The following SGCZ variants were observed in gnomAD, a reference collection of about 807,000 sequenced individuals.
The protein encoded by SGCZ is zeta-sarcoglycan.
SGCZ carries 40 observed loss-of-function variants against 41.3 expected under a neutral mutation model. That is an observed-to-expected ratio of 0.97 (90% CI 0.75 to 1.26). The LOEUF is 1.26. Among genes scored for constraint, SGCZ ranks in the 50% most tolerant of loss-of-function variants. The pLI is 0.00. For synonymous variants in SGCZ, 206 were observed against 137.5 expected (o/e 1.50, Z -3.49); for missense variants, 552 against 369.8 (o/e 1.49, Z -4.04).
chr8:14,499,033 T>C (rs1435209976), intron 2 of SGCZ, among the ~76,000 whole-genome samples: 1 of 152,046 alleles, frequency 6.6e-6, no homozygotes, highest in Non-Finnish European at 1.5e-5. Flanking sequence ...CCTACTATGG[T>C]TCCCACTGGT....
intron 1 of SGCZ, among the ~76,000 whole-genome samples, chr8:14,569,375 T>C (rs1563121695): frequency 6.6e-6 from 1 of 152,228 alleles, no homozygotes; most frequent in South Asian, 2.1e-4. Flanking sequence ...GTTTCAGGAT[T>C]TCTGTTATAC....
rs1001643214 is a variant in SGCZ at position 14,687,657 on chromosome 8, A to C, written c.40-132731T>G. ...GTGAATAGTGCTGCAATAAACATAC[A>C]TGTGCATGTGTCTTTATAGCAGCAT... On this transcript the variant is annotated intron_variant, in intron 1 of 7. Transcript: ENST00000382080. Among the ~76,000 whole-genome samples the C allele has an allele frequency of 4.0e-5, 6 of 151,604 alleles. 1 individual carries two copies. Among genetic ancestry groups the C allele is most frequent in the Non-Finnish European group, 8.8e-5 (6 of 67,914 alleles).
At chr8:14,982,508 C>T (rs991076981) in intron 1 of SGCZ, among the ~76,000 whole-genome samples, 1 of 152,164 alleles carries the variant, frequency 6.6e-6, no homozygotes, top group African/African-American at 2.4e-5. Flanking sequence ...ACAGTGTAAA[C>T]AGCTTTGACT....
At position 15,088,835 on chromosome 8, in the gene SGCZ, A is replaced by G. The variant is rs528176453; in HGVS notation, c.39+148750T>C. Among the ~76,000 whole-genome samples, 6 of 152,266 alleles carry G rather than the reference A, an allele frequency of 3.9e-5. No individual in the cohort carries two copies. In the South Asian group the frequency reaches 1.2e-3, roughly 32 times the overall value. The stretch of plus-strand genomic sequence containing the variant: ...AATCAGATAAATAGGCCCAACTCAC[A>G]TGGCCTTTGCACCACAATTGCAAAC... On this transcript the variant is annotated intron_variant, in intron 1 of 7. Coordinates refer to ENST00000382080, the MANE Select transcript of SGCZ (RefSeq NM_139167.4).
rs1403289959 is a variant in SGCZ at position 14,102,468 on chromosome 8, C to T, written c.652G>A (p.Glu218Lys). 1.3e-6 allele frequency: 2 copies of T among 1,492,344 alleles called. No homozygotes were observed. The highest frequency in any genetic ancestry group is 1.8e-6 in the Non-Finnish European group (2 of 1,105,184). The allele number at this position is 1,492,344 out of a possible 1,614,324, so 92.4% of individuals were successfully genotyped here. A position where few individuals can be genotyped will look rare whatever the true frequency, so the allele number is the denominator to read the frequency against. Reference protein sequence around the residue: ...LESPTRSLIMEAPRGVQVSAA... With the variant: ...LESPTRSLIMKAPRGVQVSAA... ...CTCACCTGGACCCCACGGGGAGCTT[C>T]CATGATCAAGGATCTGGTGGGTGAT... The change falls in exon 7 of 8, where the codon GAA becomes AAA. Residue 218 changes from glutamate to lysine, a missense_variant. Glu to Lys is a moderately conservative substitution (Grantham distance 56, BLOSUM62 1). Coordinates refer to ENST00000382080, the MANE Select transcript of SGCZ (RefSeq NM_139167.4).
At chr8:14,528,836 AACAAAACAAAAAC>A (rs1368789898) in intron 2 of SGCZ, among the ~76,000 whole-genome samples, 1 of 21,900 alleles carries the variant, frequency 4.6e-5, no homozygotes, top group African/African-American at 1.7e-4. Context: ...CCAAAAAAAA[AACAAAACAAAAAC>A]AAAAAAAGAG....
At chr8:14,675,778 C>G (rs942180005) in intron 1 of SGCZ, among the ~76,000 whole-genome samples, 27 of 152,102 alleles carry the variant, frequency 1.8e-4, no homozygotes, top group African/African-American at 6.5e-4. Context: ...ACAAATAACA[C>G]TGATATCAAA....
intron 1 of SGCZ, among the ~76,000 whole-genome samples, chr8:15,112,982 G>A (rs1417309894): frequency 6.6e-6 from 1 of 152,130 alleles, no homozygotes; most frequent in Non-Finnish European, 1.5e-5. Flanking sequence ...GCCAAGGCAG[G>A]TGGATCGCTT....
At chr8:14,121,798 AT>A (rs1425845892) in intron 5 of SGCZ, among the ~76,000 whole-genome samples, 1 of 152,192 alleles carries the variant, frequency 6.6e-6, no homozygotes, top group Non-Finnish European at 1.5e-5. Flanking sequence ...AACTCATTTA[AT>A]TTTTTTGAAA....
At chr8:14,464,223 C>T (rs899947724) in intron 2 of SGCZ, among the ~76,000 whole-genome samples, 6 of 151,408 alleles carry the variant, frequency 4.0e-5, no homozygotes, top group African/African-American at 1.5e-4. Context: ...GGGTAGAATC[C>T]ACTGGTGAAG....
intron 1 of SGCZ, among the ~76,000 whole-genome samples, chr8:14,675,186 C>A (rs1808234410): frequency 6.6e-6 from 1 of 151,648 alleles, no homozygotes. Flanking sequence ...GTGATCTGCC[C>A]ACCTCGGCCT....
chr8:14,770,599 C>T (rs995446392), intron 1 of SGCZ, among the ~76,000 whole-genome samples: 1 of 151,964 alleles, frequency 6.6e-6, no homozygotes, highest in African/African-American at 2.4e-5. Flanking sequence ...TATGTTCTCA[C>T]AATTTGTTTG....
At chr8:14,745,862 A>C (rs538102395) in intron 1 of SGCZ, among the ~76,000 whole-genome samples, 2 of 151,918 alleles carry the variant, frequency 1.3e-5, no homozygotes, top group African/African-American at 2.4e-5. Context: ...AGTCTTTCAC[A>C]CTCTTGGAAG....
intron 1 of SGCZ, among the ~76,000 whole-genome samples, chr8:14,692,297 C>T (rs114551243): frequency 1.1e-3 from 163 of 151,894 alleles, no homozygotes; most frequent in Admixed American, 1.2e-3. Flanking sequence ...AAGAGAGAAG[C>T]ATAATTATAG....
chr8:14,919,716 G>A (rs570668803), intron 1 of SGCZ, among the ~76,000 whole-genome samples: 2 of 152,208 alleles, frequency 1.3e-5, no homozygotes, highest in South Asian at 4.1e-4. Flanking sequence ...TCAGGAGTTT[G>A]AGACCAAACT....
chr8:14,331,452 G>A (rs1802318271), intron 2 of SGCZ, among the ~76,000 whole-genome samples: 1 of 151,938 alleles, frequency 6.6e-6, no homozygotes, highest in African/African-American at 2.4e-5. Context: ...TAAGTTGATG[G>A]CCTGCTTTAT....
At chr8:14,615,924 GAA>G in intron 1 of SGCZ, among the ~76,000 whole-genome samples, 1 of 152,148 alleles carries the variant, frequency 6.6e-6, no homozygotes, top group Admixed American at 6.5e-5. Context: ...ATTACACTTA[GAA>G]TAAGTTCTGG....
chr8:14,162,263 T>C (rs570050041), intron 5 of SGCZ, among the ~76,000 whole-genome samples: 14 of 152,292 alleles, frequency 9.2e-5, no homozygotes, highest in Non-Finnish European at 1.6e-4. Context: ...CCTTTACTTA[T>C]GATTGTAAAG....
chr8:14,834,383 A>C (rs533479191), intron 1 of SGCZ, among the ~76,000 whole-genome samples: 95 of 152,316 alleles, frequency 6.2e-4, no homozygotes, highest in Non-Finnish European at 4.4e-5. Context: ...GCTAAACACT[A>C]CAGTATTACC....
Sources: gnomAD v4.1 joint callset for allele counts (sites outside exome capture counted in the v4.1 genomes callset) on GRCh38, gnomAD v4.1.1 for gene constraint, MANE v1.5 for transcripts, NCBI Gene and HGNC (gene_info 2026-07-23, HGNC 2026-07-21) for gene names.